The following LEPR variants were observed in gnomAD, a reference collection of about 807,000 sequenced individuals.
LEPR encodes the protein leptin receptor, also known as OB receptor.
In LEPR, 56 loss-of-function variants were observed where a neutral mutation model predicts 114.7. The ratio of observed to expected loss-of-function variants is 0.49; its 90% CI spans 0.39 to 0.61. The LOEUF (loss-of-function observed/expected upper bound fraction) is 0.61, where lower values mean the gene tolerates loss of function less well. Among genes scored for constraint, LEPR ranks in the 20% least tolerant of loss-of-function variants. The pLI is 0.00. For synonymous variants in LEPR, 443 were observed against 461.4 expected, an observed-to-expected ratio of 0.96 and a Z score of 0.51; for missense variants, 1,202 against 1,352.9, an observed-to-expected ratio of 0.89 and a Z score of 1.75.
At chr1:65,425,098 T>C (rs771547282) in intron 1 of LEPR, among the ~76,000 whole-genome samples, 2 of 152,214 alleles carry the variant, frequency 1.3e-5, no homozygotes, top group African/African-American at 2.4e-5. Flanking sequence ...TACCATAAAA[T>C]TAACATTCTT....
intron 2 of LEPR, among the ~76,000 whole-genome samples, chr1:65,557,363 A>G (rs1652883795): frequency 6.6e-6 from 1 of 152,136 alleles, no homozygotes; most frequent in African/African-American, 2.4e-5. Flanking sequence ...TGGTCATCCT[A>G]TCTTTAATTT....
chr1:65,589,679 T>A (rs12076487), intron 5 of LEPR, among the ~76,000 whole-genome samples: 13 of 152,080 alleles, frequency 8.5e-5, no homozygotes, highest in African/African-American at 3.1e-4. Flanking sequence ...AGAAAGATTA[T>A]CATTTTTCCA....
In LEPR at chr1:65,570,473, A is replaced by G. The variant is rs1396906830; in HGVS notation, c.41A>G (p.Glu14Gly). ...QKFCVVLLHW[E>G]FIYVITAFNL... is the part of the protein sequence containing the mutation. ...ATGTGTCTTTTTAATATCCTAACAG[A>G]ATTTATTTATGTGATAACTGCGTTT... Residue 14 changes from glutamate (E) to glycine (G), a missense_variant and splice_region_variant, in exon 4 of 20, where the codon GAA becomes GGA. By Grantham distance (98) the Glu-to-Gly change is moderately conservative. Coordinates refer to ENST00000349533, the MANE Select transcript of LEPR (RefSeq NM_002303.6). The G allele has an allele frequency of 6.2e-7, 1 of 1,613,116 alleles. No homozygotes were observed. The highest frequency in any genetic ancestry group is 8.5e-7 in the Non-Finnish European group (1 of 1,179,730).
intron 2 of LEPR, among the ~76,000 whole-genome samples, chr1:65,429,150 A>G (rs1438615146): frequency 1.3e-5 from 2 of 152,178 alleles, no homozygotes; most frequent in East Asian, 3.8e-4. Context: ...GACCTGGGGT[A>G]CATTAGAATA....
At chr1:65,611,046 CTA>C (rs1657134085) in intron 14 of LEPR, among the ~76,000 whole-genome samples, 1 of 152,182 alleles carries the variant, frequency 6.6e-6, no homozygotes, top group African/African-American at 2.4e-5. Flanking sequence ...TCCAGTTACT[CTA>C]TAATTTCATT....
At chr1:65,479,936 AC>A (rs1647201198) in intron 2 of LEPR, among the ~76,000 whole-genome samples, 1 of 152,032 alleles carries the variant, frequency 6.6e-6, no homozygotes, top group African/African-American at 2.4e-5. Context: ...AAACAAACAA[AC>A]AAACAAAAAA....
intron 2 of LEPR, chr1:65,526,146 G>A (rs1221074005): frequency 1.2e-5 from 12 of 977,038 alleles, no homozygotes; most frequent in African/African-American, 5.6e-5. Context: ...TCTTTTCCAG[G>A]CTTCGTGCCT....
rs531481862 is a variant in LEPR, at chr1:65,555,025, C to G, written c.-20-10521C>G. ...CAACGCCCCATCCTGCTTCAGCTCACCCTCCGTGGGCGGCACCCACTGTCT... is the reference window on the plus strand; with the variant it reads ...CAACGCCCCATCCTGCTTCAGCTCAGCCTCCGTGGGCGGCACCCACTGTCT... On this transcript the variant is annotated intron_variant, in intron 2 of 19. Transcript: ENST00000349533. Among the ~76,000 whole-genome samples the G allele has an allele frequency of 7.9e-5, 12 of 152,212 alleles. No homozygotes were observed. In the South Asian group the frequency reaches 2.3e-3, roughly 29 times the overall value.
At chr1:65,472,665 AAGAG>A in intron 2 of LEPR, among the ~76,000 whole-genome samples, 1 of 148,160 alleles carries the variant, frequency 6.7e-6, no homozygotes, top group South Asian at 2.1e-4. Flanking sequence ...TCTTTTTTAA[AAGAG>A]TGTAATTGAT....
intron 2 of LEPR, among the ~76,000 whole-genome samples, chr1:65,463,655 A>G (rs530546658): frequency 4.6e-5 from 7 of 152,210 alleles, no homozygotes; most frequent in East Asian, 3.9e-4. Context: ...CTTTCCATGA[A>G]CATGGAATGT....
intron 2 of LEPR, among the ~76,000 whole-genome samples, chr1:65,498,310 C>T (rs560678221): frequency 5.3e-5 from 8 of 152,146 alleles, no homozygotes; most frequent in African/African-American, 1.4e-4. Context: ...TAGGAAGGTC[C>T]CCCACTGGCT....
intron 2 of LEPR, among the ~76,000 whole-genome samples, chr1:65,488,424 T>C (rs1175013987): frequency 6.6e-6 from 1 of 150,598 alleles, no homozygotes; most frequent in African/African-American, 2.5e-5. Context: ...ATCAACCTCC[T>C]GGGCTGGAGC....
At chr1:65,430,810 A>T (rs1046583762) in intron 2 of LEPR, among the ~76,000 whole-genome samples, 5 of 152,200 alleles carry the variant, frequency 3.3e-5, no homozygotes, top group African/African-American at 1.2e-4. Context: ...GTATACTATA[A>T]GTGTACTAAG....
intron 6 of LEPR, 66 bp from the exon 7 acceptor site, chr1:65,596,382 T>A: frequency 6.3e-7 from 1 of 1,585,648 alleles, no homozygotes; most frequent in African/African-American, 1.3e-5. Flanking sequence ...CTTGACTTTA[T>A]TTTATTCAGC....
At chr1:65,556,168 A>T (rs1652802538) in intron 2 of LEPR, among the ~76,000 whole-genome samples, 1 of 152,142 alleles carries the variant, frequency 6.6e-6, no homozygotes, top group African/African-American at 2.4e-5. Flanking sequence ...ACATGGCAAG[A>T]AGGCACCATC....
At chr1:65,626,869 A>C (rs1570853974) in intron 19 of LEPR, among the ~76,000 whole-genome samples, 1 of 152,098 alleles carries the variant, frequency 6.6e-6, no homozygotes, top group African/African-American at 2.4e-5. Flanking sequence ...TCCCAGGCTC[A>C]AGTGATCCAC....
chr1:65,432,734 A>G, intron 2 of LEPR: 2 of 642,998 alleles, frequency 3.1e-6, no homozygotes, highest in Non-Finnish European at 3.9e-6. Flanking sequence ...ATTTTTTTTT[A>G]AAGATCACTT....
intron 18 of LEPR, among the ~76,000 whole-genome samples, chr1:65,621,851 C>T (rs573070134): frequency 8.6e-5 from 13 of 151,752 alleles, no homozygotes; most frequent in South Asian, 4.2e-4. Context: ...AAGTTTATGG[C>T]GGGGTTGGAA....
In LEPR at chr1:65,451,310, T is replaced by A. The variant is rs1045800943; in HGVS notation, c.-21+25932T>A. 5.3e-4 allele frequency among the ~76,000 whole-genome samples: 80 copies of A among 152,308 alleles called. 2 individuals are homozygous for A. The highest frequency in any genetic ancestry group is 7.4e-5 in the Non-Finnish European group (5 of 68,000). On this transcript the variant is annotated intron_variant, in intron 2 of 19. Coordinates refer to ENST00000349533, the MANE Select transcript of LEPR (RefSeq NM_002303.6). ...GATCCCATTTGTCAATTTTGGCTTT[T>A]GTTGCCATTGCTCTTGGTGTTTTAG... is the stretch of plus-strand genomic sequence containing the variant.
Sources: gnomAD v4.1 joint callset for allele counts (sites outside exome capture counted in the v4.1 genomes callset) on GRCh38, gnomAD v4.1.1 for gene constraint, MANE v1.5 for transcripts, NCBI Gene and HGNC (gene_info 2026-07-23, HGNC 2026-07-21) for gene names.